Variants in WWOX observed in about 807,000 individuals in gnomAD.
The protein encoded by WWOX is WW domain containing oxidoreductase, also known as WW domain-containing oxidoreductase.
In WWOX, 69 loss-of-function variants were observed where a neutral mutation model predicts 46.2. The observed-to-expected ratio is 1.49, with a 90% CI of 1.23 to 1.82. WWOX has a LOEUF of 1.82. Among genes scored for constraint, WWOX ranks in the 40% most tolerant of loss-of-function variants. The pLI, the probability that WWOX is intolerant of heterozygous loss-of-function variation, is 0.00. For synonymous variants in WWOX, 359 were observed against 202.6 expected, an observed-to-expected ratio of 1.77 and a Z score of -6.56; for missense variants, 919 against 542.6, an observed-to-expected ratio of 1.69 and a Z score of -6.89.
intron 7 of WWOX, 151 bp from the exon 8 acceptor site, chr16:78,432,337 C>T (rs879416754): frequency 1.6e-5 from 16 of 1,027,044 alleles, no homozygotes; most frequent in Non-Finnish European, 2.3e-5. Context: ...AACTCCCGAC[C>T]TCAGGTGATC....
At chr16:78,261,340 A>G (rs567596868) in intron 5 of WWOX, among the ~76,000 whole-genome samples, 1 of 151,022 alleles carries the variant, frequency 6.6e-6, no homozygotes, top group South Asian at 2.1e-4. Context: ...GATACTTTTA[A>G]TGTATGGTAA....
chr16:78,672,345 T>A (rs16948291), intron 8 of WWOX, among the ~76,000 whole-genome samples: 39,376 of 152,110 alleles, frequency 0.26, 7,939 homozygotes, highest in African/African-American at 0.57. Context: ...GCTTGTTAAC[T>A]TTGCACTCTA....
At chr16:78,851,906 C>T (rs1413436168) in intron 8 of WWOX, among the ~76,000 whole-genome samples, 2 of 152,084 alleles carry the variant, frequency 1.3e-5, no homozygotes, top group Admixed American at 6.6e-5. Context: ...CATTTAAACC[C>T]TTCATGCCCA....
At chr16:79,176,479 G>C (rs1376647707) in intron 8 of WWOX, among the ~76,000 whole-genome samples, 1 of 152,190 alleles carries the variant, frequency 6.6e-6, no homozygotes, top group East Asian at 1.9e-4. Context: ...CTGGCAGTCT[G>C]TCACAGGAGC....
intron 1 of WWOX, chr16:78,100,156 C>G (rs2031666282): frequency 7.7e-7 from 1 of 1,303,552 alleles, no homozygotes; most frequent in Non-Finnish European, 9.8e-7. Flanking sequence ...GAGGGCAAAG[C>G]GGCCTCATCC....
At chr16:78,940,554 A>C (rs899568760) in intron 8 of WWOX, among the ~76,000 whole-genome samples, 1 of 152,106 alleles carries the variant, frequency 6.6e-6, no homozygotes, top group African/African-American at 2.4e-5. Flanking sequence ...TCTGCTTCTT[A>C]ATCCATTAGT....
chr16:78,495,634 G>A (rs938060120), intron 8 of WWOX, among the ~76,000 whole-genome samples: 1 of 150,802 alleles, frequency 6.6e-6, no homozygotes, highest in African/African-American at 2.5e-5. Flanking sequence ...TCAACCTCCC[G>A]AGTAGCTGGG....
chr16:78,393,356 T>C (rs1731021064), intron 6 of WWOX, among the ~76,000 whole-genome samples: 1 of 152,206 alleles, frequency 6.6e-6, no homozygotes, highest in South Asian at 2.1e-4. Flanking sequence ...ATACTTTTTC[T>C]TCTTCAAAAA....
intron 4 of WWOX, among the ~76,000 whole-genome samples, chr16:78,134,284 T>C (rs532625031): frequency 6.6e-6 from 1 of 152,342 alleles, no homozygotes; most frequent in Non-Finnish European, 1.5e-5. Context: ...TTTAGAAATT[T>C]AACCATATTT....
intron 8 of WWOX, among the ~76,000 whole-genome samples, chr16:78,834,936 G>A (rs1212973359): frequency 1.3e-5 from 2 of 152,236 alleles, no homozygotes; most frequent in Non-Finnish European, 1.5e-5. Flanking sequence ...TTAGCAGTTC[G>A]TAATTATTGA....
intron 8 of WWOX, among the ~76,000 whole-genome samples, chr16:78,932,857 G>A (rs1337089467): frequency 6.6e-6 from 1 of 152,294 alleles, no homozygotes; most frequent in Admixed American, 6.5e-5. Flanking sequence ...AGGTCATCTG[G>A]CCCAGCACCC....
intron 8 of WWOX, among the ~76,000 whole-genome samples, chr16:78,715,266 C>A (rs137968059): frequency 6.6e-6 from 1 of 152,282 alleles, no homozygotes; most frequent in African/African-American, 2.4e-5. Flanking sequence ...TCTTTTCTTG[C>A]TGAATAAGAA....
intron 5 of WWOX, among the ~76,000 whole-genome samples, chr16:78,374,481 T>C (rs561026021): frequency 6.6e-6 from 1 of 151,658 alleles, no homozygotes; most frequent in Admixed American, 6.6e-5. Flanking sequence ...CTGATGACTC[T>C]TTTTGTGTTT....
chr16:79,098,324 G>C (rs1230233864), intron 8 of WWOX, among the ~76,000 whole-genome samples: 2 of 152,186 alleles, frequency 1.3e-5, no homozygotes, highest in Non-Finnish European at 1.5e-5. Flanking sequence ...CAGACAGTGG[G>C]GATTGAACAC....
rs140735992 is a variant in WWOX at position 78,706,165 on chromosome 16, A to C, written c.1056+273413A>C. On this transcript the variant is annotated intron_variant, in intron 8 of 8. Transcript: ENST00000566780. ...TTAATTAAGGCATTTCCATCTTATCAAGCCCCCTATTTAATAAGGATATCA... is the reference window on the plus strand; with the variant it reads ...TTAATTAAGGCATTTCCATCTTATCCAGCCCCCTATTTAATAAGGATATCA... Among the ~76,000 whole-genome samples the C allele has an allele frequency of 4.7e-3, 705 of 148,676 alleles. 2 individuals are homozygous for C. The highest frequency in any genetic ancestry group is 0.017 in the African/African-American group (670 of 40,276).
At chr16:78,496,430 A>T (rs1176985210) in intron 8 of WWOX, 1 of 152,206 alleles carries the variant, frequency 6.6e-6, no homozygotes, top group Non-Finnish European at 1.5e-5. Context: ...ATCTGTGATG[A>T]CCTGTAAATG....
intron 4 of WWOX, among the ~76,000 whole-genome samples, chr16:78,144,253 G>C (rs1030369977): frequency 6.6e-6 from 1 of 150,908 alleles, no homozygotes; most frequent in Non-Finnish European, 1.5e-5. Flanking sequence ...AGCTGGAGAA[G>C]TTAAGATTCA....
At chr16:79,068,810 C>CA (rs2048490963) in intron 8 of WWOX, among the ~76,000 whole-genome samples, 4 of 128,004 alleles carry the variant, frequency 3.1e-5, no homozygotes, top group Admixed American at 8.8e-5. Context: ...GAACTTGTCT[C>CA]AAAAAAACCC....
chr16:78,333,292 G>A (rs562489913), intron 5 of WWOX, among the ~76,000 whole-genome samples: 14 of 133,660 alleles, frequency 1.0e-4, no homozygotes, highest in South Asian at 2.5e-4. Context: ...CAGGTGATCC[G>A]CCTGCCTTGG....
Sources: allele counts gnomAD v4.1 joint callset (sites outside exome capture counted in the v4.1 genomes callset), GRCh38; gene constraint gnomAD v4.1.1; transcripts MANE v1.5; gene names NCBI Gene and HGNC (gene_info 2026-07-23, HGNC 2026-07-21).